ULK2: variants seen among roughly 807,000 people sequenced by gnomAD.
The protein encoded by ULK2 is unc-51 like autophagy activating kinase 2.
A neutral mutation model predicts 127.5 loss-of-function variants in ULK2; 76 were observed. The observed-to-expected ratio is 0.60, with a 90% CI of 0.50 to 0.72. The LOEUF (loss-of-function observed/expected upper bound fraction) is 0.72. Among genes scored for constraint, ULK2 ranks in the 30% least tolerant of loss-of-function variants. The pLI, the probability that ULK2 is intolerant of heterozygous loss-of-function variation, is 0.00. For synonymous variants in ULK2, 452 were observed against 461.9 expected (o/e 0.98, Z 0.28); for missense variants, 1,144 against 1,295.9 (o/e 0.88, Z 1.80).
chr17:19,783,516 A>G (rs1206737497), intron 22 of ULK2, among the ~76,000 whole-genome samples, 181 bp downstream of exon 22: 1 of 152,210 alleles, frequency 6.6e-6, no homozygotes, highest in Non-Finnish European at 1.5e-5. Context: ...AAAGCTTATT[A>G]TGGATGAGTG....
intron 10 of ULK2, among the ~76,000 whole-genome samples, chr17:19,833,635 A>T (rs1468364064): frequency 1.3e-5 from 2 of 152,190 alleles, no homozygotes; most frequent in Admixed American, 6.5e-5. Context: ...CGACTCATCA[A>T]ATAGAGAATA....
intron 1 of ULK2, among the ~76,000 whole-genome samples, chr17:19,866,967 C>T (rs2042364229): frequency 6.6e-6 from 1 of 152,098 alleles, no homozygotes; most frequent in South Asian, 2.1e-4. Context: ...GCCCTGGGCA[C>T]GGGGAAAAAA....
chr17:19,836,203 G>A (rs573033600), intron 10 of ULK2, among the ~76,000 whole-genome samples: 6 of 152,024 alleles, frequency 3.9e-5, no homozygotes, highest in African/African-American at 1.2e-4. Context: ...GAGGTCAGGA[G>A]TTCAAGATCA....
chr17:19,801,727 T>C, intron 16 of ULK2, 50 bp downstream of exon 16: 1 of 1,605,660 alleles, frequency 6.2e-7, no homozygotes. Flanking sequence ...ATGTCAGATT[T>C]ATTACAGTGA....
Position 19,821,609 on chromosome 17 carries a change from T to C in ULK2, c.924+3485A>G, listed in dbSNP as rs143507474. On this transcript the variant is annotated intron_variant, in intron 12 of 26. Transcript: ENST00000395544. ...CTTATTTTTGGCAGATGATGTTAAA[T>C]GTAAGGTCTATCAAACCATACCATT... Among the ~76,000 whole-genome samples the C allele has an allele frequency of 1.6e-3, 237 of 152,364 alleles. 1 individual carries two copies. Among genetic ancestry groups the C allele is most frequent in the Middle Eastern group, 3.4e-3 (1 of 294 alleles).
chr17:19,834,500 CACCA>C lies in ULK2; in HGVS notation c.787+3997_787+4000del, dbSNP rs1225970658. Among the ~76,000 whole-genome samples the C allele has an allele frequency of 4.7e-5, 7 of 149,980 alleles. No individual in the cohort carries two copies. In the East Asian group the frequency reaches 1.4e-3, roughly 29 times the overall value. On this transcript the variant is annotated intron_variant, in intron 10 of 26. Transcript: ENST00000395544. Reference sequence around the variant, plus strand: ...AATTATATTAGAACTAAAAAAATGACACCAAACAAAAAAGAGATACAAAAAATAC... The same window carrying C: ...AATTATATTAGAACTAAAAAAATGACAACAAAAAAGAGATACAAAAAATAC...
intron 12 of ULK2, among the ~76,000 whole-genome samples, chr17:19,821,673 G>A (rs1024820936): frequency 4.6e-5 from 7 of 151,990 alleles, no homozygotes; most frequent in Non-Finnish European, 8.8e-5. Context: ...ACAAATGTTC[G>A]TACTTTCCTT....
chr17:19,805,667 T>C (rs193186470), intron 14 of ULK2, among the ~76,000 whole-genome samples: 1 of 152,304 alleles, frequency 6.6e-6, no homozygotes, highest in African/African-American at 2.4e-5. Context: ...ACCATATGTC[T>C]TTCTTGGTCA....
At chr17:19,804,963 G>A (rs1395243943) in intron 14 of ULK2, 133 bp from the exon 15 acceptor site, 2 of 1,014,660 alleles carry the variant, frequency 2.0e-6, no homozygotes, top group South Asian at 3.6e-5. Flanking sequence ...AATAAGAAAT[G>A]ATCTTGTTAA....
intron 20 of ULK2, among the ~76,000 whole-genome samples, chr17:19,789,897 T>TA (rs1234747698): frequency 3.6e-5 from 2 of 55,956 alleles, no homozygotes; most frequent in East Asian, 4.3e-4. Flanking sequence ...CCTACAAATC[T>TA]AAAAAAAGCT....
In ULK2 at chr17:19,795,617, C is replaced by G. The variant is rs2087251483; in HGVS notation, c.2101+5G>C. On this transcript the variant is annotated splice_donor_5th_base_variant and intron_variant, in intron 20 of 26. Coordinates refer to ENST00000395544, the MANE Select transcript of ULK2 (RefSeq NM_014683.4). ...CTGCCTAAAAAGAAACTACATTTTT[C>G]TTACCTATATCCATTGGTCGTTCTG... 6.2e-7 allele frequency: 1 copy of G among 1,611,600 alleles called. No homozygotes were observed.
chr17:19,805,963 T>G (rs1464823823), intron 14 of ULK2, among the ~76,000 whole-genome samples: 1 of 152,242 alleles, frequency 6.6e-6, no homozygotes, highest in Non-Finnish European at 1.5e-5. Context: ...ATGAGCTCTC[T>G]CTATACATTT....
chr17:19,781,023 C>T lies in ULK2; in HGVS notation c.2721G>A (p.Lys907=), dbSNP rs1176647506. 6.2e-7 allele frequency: 1 copy of T among 1,614,024 alleles called. No homozygotes were observed. The highest frequency in any genetic ancestry group is 1.1e-5 in the South Asian group (1 of 91,072). ...CTGTGGATGGGCTCAGTTTCCCGGA[C>T]TTGATCTGGGCTTTGGCAAGATGCA... ...ASLHLAKAQI[K]SGKLSPSTAV... Residue 907 remains lysine (K), a synonymous_variant, in exon 24 of 27, where the codon AAG becomes AAA. Coordinates refer to ENST00000395544, the MANE Select transcript of ULK2 (RefSeq NM_014683.4).
chr17:19,854,209 C>T (rs556752806), intron 3 of ULK2, among the ~76,000 whole-genome samples: 2 of 150,262 alleles, frequency 1.3e-5, no homozygotes, highest in African/African-American at 2.5e-5. Flanking sequence ...ACCCAGAAGA[C>T]GAAGGTTGCA....
chr17:19,786,713 CA>C lies in ULK2; in HGVS notation c.2102-628del, dbSNP rs71157831. Among the ~76,000 whole-genome samples the C allele has an allele frequency of 4.4e-3, 565 of 127,752 alleles. 4 individuals carry two copies. The highest frequency in any genetic ancestry group is 9.7e-3 in the African/African-American group (338 of 34,780). 83.8% of individuals were successfully genotyped at this position (127,752 alleles called of 152,430 possible). On this transcript the variant is annotated intron_variant, in intron 20 of 26. Transcript: ENST00000395544. Reference sequence around the variant, plus strand: ...TGGGTGACAGAGTGAGGCTCCGTCTCAAAAAAAAAAAAAAAAGAAAGAAAAG... The same window carrying C: ...TGGGTGACAGAGTGAGGCTCCGTCTCAAAAAAAAAAAAAAAGAAAGAAAAG...
chr17:19,850,756 C>T (rs1314114168), intron 3 of ULK2, among the ~76,000 whole-genome samples: 1 of 151,672 alleles, frequency 6.6e-6, no homozygotes, highest in South Asian at 2.1e-4. Context: ...ACCTGGGAGG[C>T]GGAGCTTGCA....
intron 8 of ULK2, among the ~76,000 whole-genome samples, chr17:19,842,859 CA>C (rs1050848131): frequency 1.3e-5 from 2 of 152,248 alleles, no homozygotes; most frequent in African/African-American, 4.8e-5. Flanking sequence ...CATTCACACC[CA>C]TTTCCCACCA....
chr17:19,849,737 C>T lies in ULK2; in HGVS notation c.258+5G>A. On this transcript the variant is annotated splice_donor_5th_base_variant and intron_variant, in intron 4 of 26. Transcript: ENST00000395544. ...AAATTAAACAGAAGTTTGTATACTA[C>T]CTACCTCCATCACCAAAAAGACAGA... is the stretch of plus-strand genomic sequence containing the variant. 6.5e-7 allele frequency: 1 copy of T among 1,526,856 alleles called. No individual in the cohort carries two copies. Among genetic ancestry groups the T allele is most frequent in the Non-Finnish European group, 8.8e-7 (1 of 1,131,444 alleles). 94.6% of individuals were successfully genotyped at this position (1,526,856 alleles called of 1,614,324 possible).
chr17:19,842,938 TA>T (rs2041799536), intron 8 of ULK2, among the ~76,000 whole-genome samples, 182 bp downstream of exon 8: 1 of 152,158 alleles, frequency 6.6e-6, no homozygotes. Flanking sequence ...GGCAGGCAGA[TA>T]AAAGGGGAAA....
Sources: allele counts gnomAD v4.1 joint callset (sites outside exome capture counted in the v4.1 genomes callset), GRCh38; gene constraint gnomAD v4.1.1; transcripts MANE v1.5; gene names NCBI Gene and HGNC (gene_info 2026-07-23, HGNC 2026-07-21).